Variants in SEL1L3 observed in about 807,000 individuals in gnomAD.
The protein encoded by SEL1L3 is protein sel-1 homolog 3.
A neutral mutation model predicts 142.8 loss-of-function variants in SEL1L3; 76 were observed. The observed-to-expected ratio is 0.53, with a 90% CI of 0.44 to 0.64. The LOEUF (loss-of-function observed/expected upper bound fraction) is 0.64. Ranked by LOEUF, SEL1L3 falls within the 30% of genes least tolerant of loss-of-function variation. The pLI is 0.00. For synonymous variants in SEL1L3, 504 were observed against 519.6 expected (o/e 0.97, Z 0.41); for missense variants, 1,262 against 1,381.7 (o/e 0.91, Z 1.37).
chr4:25,801,166 G>A (rs575357853), intron 11 of SEL1L3, among the ~76,000 whole-genome samples: 3 of 152,204 alleles, frequency 2.0e-5, no homozygotes, highest in African/African-American at 7.2e-5. Flanking sequence ...ACTTTGGGAG[G>A]GTGAGGCATG....
chr4:25,826,821 G>GC (rs1347616211), intron 6 of SEL1L3, among the ~76,000 whole-genome samples: 1 of 152,012 alleles, frequency 6.6e-6, no homozygotes, highest in Admixed American at 6.6e-5. Context: ...CCACCACCAT[G>GC]CCCGGCTAAT....
Position 25,862,873 on chromosome 4 carries a change from C to G in SEL1L3, c.-37G>C. On this transcript the variant is annotated 5_prime_UTR_variant, in exon 1 of 24. Coordinates refer to ENST00000399878, the MANE Select transcript of SEL1L3 (RefSeq NM_015187.5). ...CCGGATCCGGGCCGGAACAGGTCAC[C>G]TGGTGCAGGGACCGGCCCCCGCCCG... The G allele has an allele frequency of 9.3e-7, 1 of 1,073,154 alleles. No homozygotes were observed. Among genetic ancestry groups the G allele is most frequent in the Non-Finnish European group, 1.1e-6 (1 of 888,362 alleles). The allele number at this position is 1,073,154 out of a possible 1,614,324, so 66.5% of individuals were successfully genotyped here. A position where few individuals can be genotyped will look rare whatever the true frequency, so the allele number is the denominator to read the frequency against.
intron 11 of SEL1L3, among the ~76,000 whole-genome samples, chr4:25,793,602 G>A (rs1712507760): frequency 6.6e-6 from 1 of 152,000 alleles, no homozygotes; most frequent in South Asian, 2.1e-4. Context: ...AGCAGGGTGG[G>A]ACCATTAAGA....
chr4:25,860,348 C>T (rs1004492547), intron 1 of SEL1L3, among the ~76,000 whole-genome samples: 5 of 152,226 alleles, frequency 3.3e-5, no homozygotes, highest in African/African-American at 9.6e-5. Context: ...AGCCCCATCC[C>T]CCTGACCAAC....
In SEL1L3 at chr4:25,748,158, A is replaced by G. The variant is rs546108194; in HGVS notation, c.*267T>C. 37 of 449,654 alleles carry G rather than the reference A, an allele frequency of 8.2e-5. No homozygotes were observed. The highest frequency in any genetic ancestry group is 6.5e-4 in the African/African-American group (33 of 50,846). The allele number at this position is 449,654 out of a possible 1,614,324, so 27.9% of individuals were successfully genotyped here. A position where few individuals can be genotyped will look rare whatever the true frequency, so the allele number is the denominator to read the frequency against. ...CCTAATACATACAATCACTAGAACA[A>G]AAGTCTGTGATGGCCCAGTAAACTT... On this transcript the variant is annotated 3_prime_UTR_variant, in exon 24 of 24. Coordinates refer to ENST00000399878, the MANE Select transcript of SEL1L3 (RefSeq NM_015187.5).
intron 11 of SEL1L3, among the ~76,000 whole-genome samples, chr4:25,792,181 G>T (rs928260894): frequency 6.6e-6 from 1 of 152,212 alleles, no homozygotes; most frequent in African/African-American, 2.4e-5. Flanking sequence ...CAGTGTTTGA[G>T]ATACGTGGTA....
the SEL1L3 span, among the ~76,000 whole-genome samples, chr4:25,740,432 CA>C: frequency 0.2 from 24,516 of 122,000 alleles, 2,068 homozygotes; most frequent in Middle Eastern, 0.35. Context: ...GACTCCATCT[CA>C]AAAAAAAAAA....
chr4:25,765,654 A>AT (rs1428065702), intron 19 of SEL1L3, among the ~76,000 whole-genome samples: 4 of 151,708 alleles, frequency 2.6e-5, no homozygotes, highest in African/African-American at 7.3e-5. Context: ...TTTTTTCTAA[A>AT]TTTTTTGCGA....
the SEL1L3 span, among the ~76,000 whole-genome samples, chr4:25,725,222 G>A: frequency 6.6e-6 from 1 of 152,152 alleles, no homozygotes; most frequent in South Asian, 2.1e-4. Flanking sequence ...CGAGTCCACT[G>A]ATTAAAGTGA....
chr4:25,817,261 G>A (rs1434812149), intron 9 of SEL1L3, among the ~76,000 whole-genome samples: 1 of 152,160 alleles, frequency 6.6e-6, no homozygotes, highest in Non-Finnish European at 1.5e-5. Flanking sequence ...CTTACATGAG[G>A]CAGAAGTCAG....
At chr4:25,744,648 G>A (rs11937148), downstream of SEL1L3, among the ~76,000 whole-genome samples, 4,880 of 152,142 alleles carry the variant, frequency 0.032, 256 homozygotes, top group African/African-American at 0.11. Context: ...GCCACTGCGC[G>A]CTGGCACCCA....
chr4:25,807,404 C>G (rs1013620025), intron 9 of SEL1L3, among the ~76,000 whole-genome samples: 1 of 152,134 alleles, frequency 6.6e-6, no homozygotes, highest in Non-Finnish European at 1.5e-5. Flanking sequence ...GAAGTCCGTT[C>G]TACCCAGTCT....
At chr4:25,717,798 G>A in the SEL1L3 span, among the ~76,000 whole-genome samples, 1 of 152,184 alleles carries the variant, frequency 6.6e-6, no homozygotes, top group Non-Finnish European at 1.5e-5. Context: ...ATCTCTTTAA[G>A]CCTCATTTTC....
At chr4:25,800,860 T>C (rs1179137551) in intron 11 of SEL1L3, among the ~76,000 whole-genome samples, 1 of 152,242 alleles carries the variant, frequency 6.6e-6, no homozygotes, top group African/African-American at 2.4e-5. Flanking sequence ...CAACATTTAC[T>C]GACAGCATAT....
intron 14 of SEL1L3, among the ~76,000 whole-genome samples, chr4:25,783,910 T>A (rs1711591833): frequency 6.6e-6 from 1 of 152,092 alleles, no homozygotes; most frequent in Admixed American, 6.6e-5. Flanking sequence ...TTTCCAGGGG[T>A]CCTGCTGCTT....
At chr4:25,772,889 C>T (rs947293677) in intron 17 of SEL1L3, among the ~76,000 whole-genome samples, 1 of 152,166 alleles carries the variant, frequency 6.6e-6, no homozygotes, top group African/African-American at 2.4e-5. Context: ...CCTCCACCTC[C>T]TGGGTTCAAG....
At chr4:25,770,754 AAAAAGAAAAG>A (rs1194900393) in intron 17 of SEL1L3, among the ~76,000 whole-genome samples, 1 of 150,636 alleles carries the variant, frequency 6.6e-6, no homozygotes. Context: ...AAAAAAAAAA[AAAAAGAAAAG>A]AAAAGAAAAG....
At chr4:25,789,477 C>T (rs930157290) in intron 12 of SEL1L3, among the ~76,000 whole-genome samples, 5 of 151,084 alleles carry the variant, frequency 3.3e-5, no homozygotes, top group Admixed American at 2.7e-4. Flanking sequence ...TCCAGCTACT[C>T]GGGAGGTTGA....
intron 1 of SEL1L3, among the ~76,000 whole-genome samples, chr4:25,854,043 A>T (rs1227621203): frequency 6.6e-6 from 1 of 152,176 alleles, no homozygotes; most frequent in Non-Finnish European, 1.5e-5. Flanking sequence ...TGTGGTTCAC[A>T]TTGTATTTCA....
Sources: gnomAD v4.1 joint callset for allele counts (sites outside exome capture counted in the v4.1 genomes callset) on GRCh38, gnomAD v4.1.1 for gene constraint, MANE v1.5 for transcripts, NCBI Gene and HGNC (gene_info 2026-07-23, HGNC 2026-07-21) for gene names.